The following ASTN2 variants were observed in gnomAD, a reference collection of about 807,000 sequenced individuals.
ASTN2 encodes the protein astrotactin-2.
Under a neutral mutation model 139.8 loss-of-function variants are expected in ASTN2, and 54 were observed. The ratio of observed to expected loss-of-function variants is 0.39; its 90% confidence interval spans 0.31 to 0.48. The LOEUF (loss-of-function observed/expected upper bound fraction) is 0.48. Ranked by LOEUF, ASTN2 falls within the 20% of genes least tolerant of loss-of-function variation. The pLI is 0.95. For missense variants in ASTN2, 1,565 were observed against 1,725.1 expected, an observed-to-expected ratio of 0.91 and a Z score of 1.64; for synonymous variants, 756 against 719.5, an observed-to-expected ratio of 1.05 and a Z score of -0.81.
intron 16 of ASTN2, among the ~76,000 whole-genome samples, chr9:116,715,500 C>T (rs541791805): frequency 6.6e-6 from 1 of 152,140 alleles, no homozygotes; most frequent in Admixed American, 6.5e-5. Context: ...AATGCCTACT[C>T]ACCCTTAGGT....
chr9:117,175,671 G>C (rs1456807255), intron 3 of ASTN2, among the ~76,000 whole-genome samples: 8 of 152,178 alleles, frequency 5.3e-5, no homozygotes, highest in Non-Finnish European at 1.5e-5. Flanking sequence ...ACTCCAGATA[G>C]TGAACTAGGA....
intron 20 of ASTN2, among the ~76,000 whole-genome samples, chr9:116,446,614 G>C (rs1848007586): frequency 6.6e-6 from 1 of 152,152 alleles, no homozygotes. Context: ...GTCTACTTAT[G>C]GGATGCTTTC....
intron 11 of ASTN2, among the ~76,000 whole-genome samples, chr9:116,851,262 T>C (rs561321804): frequency 4.5e-4 from 68 of 152,158 alleles, no homozygotes; most frequent in Non-Finnish European, 8.2e-4. Flanking sequence ...AAAGACAGGG[T>C]CTTGGCCACT....
chr9:116,887,720 T>A (rs956222332), intron 10 of ASTN2, among the ~76,000 whole-genome samples: 1 of 151,990 alleles, frequency 6.6e-6, no homozygotes, highest in African/African-American at 2.4e-5. Flanking sequence ...CAGGGTGGAG[T>A]GCAATGGCAT....
At chr9:116,480,893 C>T (rs182943453) in intron 20 of ASTN2, among the ~76,000 whole-genome samples, 38 of 152,278 alleles carry the variant, frequency 2.5e-4, no homozygotes, top group South Asian at 6.2e-4. Flanking sequence ...ATGGTGTCAG[C>T]AGAGGCCATC....
At chr9:116,546,211 CAT>C (rs912364976) in intron 19 of ASTN2, 6 of 152,148 alleles carry the variant, frequency 3.9e-5, no homozygotes, top group African/African-American at 1.2e-4. Flanking sequence ...TTCAGAGCCT[CAT>C]AGAAATGACG....
chr9:116,689,901 T>G (rs1288825409), intron 16 of ASTN2, among the ~76,000 whole-genome samples: 1 of 152,170 alleles, frequency 6.6e-6, no homozygotes, highest in Admixed American at 6.5e-5. Context: ...TAGCAGGGAC[T>G]GAGGCTGAAG....
At chr9:117,152,613 C>G (rs1308827775) in intron 3 of ASTN2, among the ~76,000 whole-genome samples, 1 of 152,156 alleles carries the variant, frequency 6.6e-6, no homozygotes, top group Non-Finnish European at 1.5e-5. Context: ...TTGTGTCAAA[C>G]ACTTGGGAAA....
chr9:116,706,318 T>G (rs1276063104), intron 16 of ASTN2, among the ~76,000 whole-genome samples: 2 of 152,318 alleles, frequency 1.3e-5, no homozygotes, highest in Non-Finnish European at 2.9e-5. Context: ...TTTGTTGATG[T>G]CTGACTGGCT....
At chr9:117,324,736 G>A in intron 1 of ASTN2, among the ~76,000 whole-genome samples, 1 of 152,146 alleles carries the variant, frequency 6.6e-6, no homozygotes, top group East Asian at 1.9e-4. Flanking sequence ...CATAGCAAGT[G>A]GTGAGGCTAG....
chr9:116,617,190 C>A (rs1855901522), intron 19 of ASTN2, among the ~76,000 whole-genome samples: 1 of 152,178 alleles, frequency 6.6e-6, no homozygotes, highest in Admixed American at 6.5e-5. Flanking sequence ...TTTACATTCA[C>A]AGCCTCATTT....
intron 19 of ASTN2, among the ~76,000 whole-genome samples, chr9:116,593,784 A>G (rs1472068073): frequency 6.6e-6 from 1 of 152,120 alleles, no homozygotes; most frequent in East Asian, 1.9e-4. Flanking sequence ...TTCCATCTTC[A>G]TGATTTTCTT....
At chr9:116,817,134 A>T (rs1831352780) in intron 12 of ASTN2, among the ~76,000 whole-genome samples, 1 of 151,890 alleles carries the variant, frequency 6.6e-6, no homozygotes, top group African/African-American at 2.4e-5. Flanking sequence ...CTCTACTAAA[A>T]ATACAAAAAA....
Position 117,005,250 on chromosome 9 carries a change from A to ATT in ASTN2, c.1591+2840_1591+2841dup, listed in dbSNP as rs35449201. Among the ~76,000 whole-genome samples the ATT allele has an allele frequency of 5.0e-3, 708 of 142,412 alleles. 4 individuals carry two copies. The highest frequency in any genetic ancestry group is 9.9e-3 in the East Asian group (48 of 4,840). 93.4% of individuals were successfully genotyped at this position (142,412 alleles called of 152,430 possible). On this transcript the variant is annotated intron_variant, in intron 7 of 22. Transcript: ENST00000313400. ...CAAGCATGTGCCACCAAGCCCAGCT[A>ATT]TTTTTTTTTTTTTGTATTTTAGTAG...
intron 1 of ASTN2, among the ~76,000 whole-genome samples, chr9:117,385,385 C>A (rs1187138522): frequency 6.6e-6 from 1 of 152,070 alleles, no homozygotes; most frequent in Non-Finnish European, 1.5e-5. Flanking sequence ...TTAACTGTTT[C>A]TAGAGTATGT....
chr9:117,273,225 C>T (rs1313234601), intron 2 of ASTN2, among the ~76,000 whole-genome samples: 1 of 152,198 alleles, frequency 6.6e-6, no homozygotes, highest in Admixed American at 6.5e-5. Flanking sequence ...GACTTATTCA[C>T]TATCATGAGA....
chr9:117,057,530 AG>A (rs1358674002), intron 5 of ASTN2, among the ~76,000 whole-genome samples: 1 of 152,238 alleles, frequency 6.6e-6, no homozygotes, highest in African/African-American at 2.4e-5. Flanking sequence ...CAGCTTGAAG[AG>A]CTAAAATAGA....
chr9:116,933,493 G>C (rs1295225520), intron 10 of ASTN2, among the ~76,000 whole-genome samples: 1 of 152,278 alleles, frequency 6.6e-6, no homozygotes, highest in African/African-American at 2.4e-5. Flanking sequence ...GCCAAGACAA[G>C]TTTGGATGGG....
At chr9:117,161,376 A>C (rs1830547883) in intron 3 of ASTN2, among the ~76,000 whole-genome samples, 1 of 152,010 alleles carries the variant, frequency 6.6e-6, no homozygotes, top group Admixed American at 6.6e-5. Flanking sequence ...CAGCTTTATG[A>C]AAGAAAAGGC....
Sources: gnomAD v4.1 joint callset for allele counts (sites outside exome capture counted in the v4.1 genomes callset) on GRCh38, gnomAD v4.1.1 for gene constraint, MANE v1.5 for transcripts, NCBI Gene and HGNC (gene_info 2026-07-23, HGNC 2026-07-21) for gene names.